Variants in NRG1 observed in about 807,000 individuals in gnomAD.
NRG1 encodes the protein pro-neuregulin-1, membrane-bound isoform.
In NRG1, 18 loss-of-function variants were observed where a neutral mutation model predicts 63.8. The observed-to-expected ratio is 0.28, with a 90% CI of 0.19 to 0.42. NRG1 has a LOEUF of 0.42. Ranked by LOEUF, NRG1 falls within the 10% of genes least tolerant of loss-of-function variation. The probability of loss-of-function intolerance (pLI) is 1.00; values close to 1 mark genes in which losing one functional copy is unlikely to be tolerated. For missense variants in NRG1, 762 were observed against 814.7 expected, an observed-to-expected ratio of 0.94 and a Z score of 0.79; for synonymous variants, 302 against 301.3, an observed-to-expected ratio of 1.00 and a Z score of -0.02.
intron 1 of NRG1, among the ~76,000 whole-genome samples, chr8:32,329,035 C>T (rs1197952714): frequency 6.6e-6 from 1 of 152,192 alleles, no homozygotes; most frequent in African/African-American, 2.4e-5. Flanking sequence ...GGGGCACGAC[C>T]TCAGATCACT....
At chr8:31,839,398 T>G (rs904328202) in intron 1 of NRG1, among the ~76,000 whole-genome samples, 3 of 152,208 alleles carry the variant, frequency 2.0e-5, no homozygotes, top group African/African-American at 7.2e-5. Context: ...TCTTCATTGT[T>G]ATTTGTGTGT....
chr8:31,749,736 GATAT>G (rs35399357), intron 1 of NRG1, among the ~76,000 whole-genome samples: 72 of 146,424 alleles, frequency 4.9e-4, no homozygotes, highest in East Asian at 1.6e-3. Context: ...TGATATATAT[GATAT>G]ATATATATAT....
At chr8:32,252,523 C>T (rs565440191) in intron 1 of NRG1, among the ~76,000 whole-genome samples, 84 of 152,248 alleles carry the variant, frequency 5.5e-4, no homozygotes, top group African/African-American at 1.9e-3. Flanking sequence ...GGCATTATTT[C>T]TGAGGCCTCT....
chr8:32,371,829 G>A (rs571778383), intron 1 of NRG1, among the ~76,000 whole-genome samples: 10 of 152,150 alleles, frequency 6.6e-5, no homozygotes, highest in Admixed American at 3.9e-4. Context: ...TCCCCAGCCC[G>A]CTCAGGCTGC....
At chr8:32,646,817 C>T in intron 5 of NRG1, 1 of 984,628 alleles carries the variant, frequency 1.0e-6, no homozygotes. Flanking sequence ...ACTGGCAGTC[C>T]TGTGTGGCTG....
chr8:32,007,710 C>T (rs1327189972), intron 1 of NRG1, among the ~76,000 whole-genome samples: 1 of 151,908 alleles, frequency 6.6e-6, no homozygotes, highest in Admixed American at 6.6e-5. Flanking sequence ...TAGGGTTTGC[C>T]CTCAGATTAG....
chr8:32,143,839 G>C (rs1396238308), intron 1 of NRG1, among the ~76,000 whole-genome samples: 1 of 152,192 alleles, frequency 6.6e-6, no homozygotes, highest in African/African-American at 2.4e-5. Flanking sequence ...GTACATGTTA[G>C]GCTCTTTGGA....
At chr8:32,274,232 C>T (rs1222063906) in intron 1 of NRG1, among the ~76,000 whole-genome samples, 2 of 152,210 alleles carry the variant, frequency 1.3e-5, no homozygotes, top group African/African-American at 4.8e-5. Flanking sequence ...AGTTATGTTA[C>T]ATGCAACTCC....
At chr8:32,175,470 A>T (rs993164487) in intron 1 of NRG1, among the ~76,000 whole-genome samples, 1 of 152,192 alleles carries the variant, frequency 6.6e-6, no homozygotes, top group Non-Finnish European at 1.5e-5. Flanking sequence ...TAGTGTTGGA[A>T]GTTTTGGCCA....
intron 1 of NRG1, among the ~76,000 whole-genome samples, chr8:32,168,299 C>G (rs1207995559): frequency 6.6e-6 from 1 of 152,192 alleles, no homozygotes; most frequent in Admixed American, 6.6e-5. Flanking sequence ...AACTTATTGT[C>G]TGTCTACCAT....
intron 1 of NRG1, among the ~76,000 whole-genome samples, chr8:32,052,625 A>G (rs1822173847): frequency 6.6e-6 from 1 of 152,186 alleles, no homozygotes; most frequent in East Asian, 1.9e-4. Context: ...TCCAGAAATC[A>G]AATTGTGAGT....
chr8:32,091,734 G>A (rs1260075375), intron 1 of NRG1, among the ~76,000 whole-genome samples: 1 of 152,174 alleles, frequency 6.6e-6, no homozygotes, highest in Non-Finnish European at 1.5e-5. Flanking sequence ...GGGGAGAAGG[G>A]ACAGGAAGTA....
At chr8:31,785,600 G>T (rs1056383100) in intron 1 of NRG1, among the ~76,000 whole-genome samples, 7 of 152,154 alleles carry the variant, frequency 4.6e-5, no homozygotes, top group Admixed American at 2.0e-4. Context: ...CATTTGAGGT[G>T]TGTTTTGTAC....
At chr8:31,907,506 T>C (rs1585662508) in intron 1 of NRG1, among the ~76,000 whole-genome samples, 1 of 152,242 alleles carries the variant, frequency 6.6e-6, no homozygotes, top group Non-Finnish European at 1.5e-5. Flanking sequence ...CTCCCTGTGA[T>C]ACTTTAGAAG....
intron 1 of NRG1, among the ~76,000 whole-genome samples, chr8:32,378,172 G>C (rs1264338569): frequency 6.6e-6 from 1 of 152,038 alleles, no homozygotes; most frequent in African/African-American, 2.4e-5. Flanking sequence ...AAAGATAAGG[G>C]AGAAAGAAGG....
At chr8:32,240,036 C>T (rs977167843) in intron 1 of NRG1, among the ~76,000 whole-genome samples, 4 of 152,148 alleles carry the variant, frequency 2.6e-5, no homozygotes, top group African/African-American at 9.7e-5. Flanking sequence ...TATGATTCAG[C>T]AGTTGTGCTC....
chr8:32,467,821 T>C (rs1382595132), intron 1 of NRG1, among the ~76,000 whole-genome samples: 1 of 152,200 alleles, frequency 6.6e-6, no homozygotes, highest in Non-Finnish European at 1.5e-5. Flanking sequence ...AGGGATTTTA[T>C]AGCCTGGCTC....
chr8:32,514,482 T>G (rs1829583427), intron 1 of NRG1, among the ~76,000 whole-genome samples: 1 of 152,196 alleles, frequency 6.6e-6, no homozygotes, highest in African/African-American at 2.4e-5. Flanking sequence ...ACAAATGTTT[T>G]GATTATGGTT....
intron 5 of NRG1, among the ~76,000 whole-genome samples, chr8:32,676,350 G>GA (rs1236875569): frequency 6.6e-6 from 1 of 152,202 alleles, no homozygotes; most frequent in Non-Finnish European, 1.5e-5. Flanking sequence ...TGGAAAGGTG[G>GA]AGTTGTGCAA....
Sources: allele counts gnomAD v4.1 joint callset (sites outside exome capture counted in the v4.1 genomes callset), GRCh38; gene constraint gnomAD v4.1.1; transcripts MANE v1.5; gene names NCBI Gene and HGNC (gene_info 2026-07-23, HGNC 2026-07-21).